The following ASXL2 variants were observed in gnomAD, a reference collection of about 807,000 sequenced individuals.
ASXL2 encodes putative Polycomb group protein ASXL2.
Under a neutral mutation model 122.0 loss-of-function variants are expected in ASXL2, and 23 were observed. That is an observed-to-expected ratio of 0.19 (90% CI 0.14 to 0.27). The LOEUF (loss-of-function observed/expected upper bound fraction) is 0.27, where lower values mean the gene tolerates loss of function less well. Among genes scored for constraint, ASXL2 ranks in the 10% least tolerant of loss-of-function variants. ASXL2 has a pLI of 1.00. For missense variants in ASXL2, 1,518 were observed against 1,713.8 expected (o/e 0.89, Z 2.02); for synonymous variants, 650 against 637.0 (o/e 1.02, Z -0.31).
At chr2:25,839,569 A>T (rs1424653094) in intron 2 of ASXL2, among the ~76,000 whole-genome samples, 2 of 149,232 alleles carry the variant, frequency 1.3e-5, no homozygotes, top group East Asian at 3.9e-4. Flanking sequence ...AAACATCCAA[A>T]CTTCTGTCTT....
intron 1 of ASXL2, among the ~76,000 whole-genome samples, chr2:25,852,161 TTAAAG>T (rs1304561016): frequency 1.3e-5 from 2 of 152,190 alleles, no homozygotes; most frequent in Non-Finnish European, 2.9e-5. Flanking sequence ...CATGGAAACT[TTAAAG>T]TACAATTTTT....
chr2:25,827,819 G>C (rs2149184748), intron 3 of ASXL2, among the ~76,000 whole-genome samples: 1 of 152,218 alleles, frequency 6.6e-6, no homozygotes, highest in African/African-American at 2.4e-5. Context: ...AGCAGCAGAT[G>C]GGCACAGAAC....
At chr2:25,759,432 A>G (rs553662033) in intron 9 of ASXL2, 50 bp downstream of exon 9, 1 of 1,560,972 alleles carries the variant, frequency 6.4e-7, no homozygotes, top group African/African-American at 1.4e-5. Flanking sequence ...CCACTTTACA[A>G]GTATACATAA....
Sources: allele counts gnomAD v4.1 joint callset (sites outside exome capture counted in the v4.1 genomes callset), GRCh38; gene constraint gnomAD v4.1.1; transcripts MANE v1.5; gene names NCBI Gene and HGNC (gene_info 2026-07-23, HGNC 2026-07-21).